The following RDX variants were observed in gnomAD, a reference collection of about 807,000 sequenced individuals.
The protein encoded by RDX is deafness, autosomal recessive 24.
In RDX, 32 loss-of-function variants were observed where a neutral mutation model predicts 83.7. The ratio of observed to expected loss-of-function variants is 0.38; its 90% CI spans 0.29 to 0.51. The LOEUF is 0.51. Ranked by LOEUF, RDX falls within the 20% of genes least tolerant of loss-of-function variation. The pLI, the probability that RDX is intolerant of heterozygous loss-of-function variation, is 0.87. For synonymous variants in RDX, 229 were observed against 222.7 expected (o/e 1.03, Z -0.25); for missense variants, 600 against 689.9 (o/e 0.87, Z 1.46).
At chr11:110,233,033 G>C (rs1201979758) in intron 13 of RDX, among the ~76,000 whole-genome samples, 1 of 152,216 alleles carries the variant, frequency 6.6e-6, no homozygotes, top group Non-Finnish European at 1.5e-5. Flanking sequence ...GTTAAGGTCT[G>C]ATTATACAAA....
intron 15 of RDX, among the ~76,000 whole-genome samples, chr11:110,193,105 C>T (rs1001810801): frequency 6.6e-6 from 1 of 152,108 alleles, no homozygotes; most frequent in African/African-American, 2.4e-5. Flanking sequence ...AGCAAAGATA[C>T]GGAATCAACC....
intron 15 of RDX, chr11:110,199,537 G>A: frequency 1.4e-6 from 1 of 701,610 alleles, no homozygotes; most frequent in South Asian, 1.5e-5. Context: ...CAGGTCTAGT[G>A]GGCAGGTGAG....
At chr11:110,293,018 C>A (rs1327611020) in intron 1 of RDX, among the ~76,000 whole-genome samples, 2 of 152,192 alleles carry the variant, frequency 1.3e-5, no homozygotes, top group Non-Finnish European at 2.9e-5. Context: ...CAAATTTGCA[C>A]ATACACACAC....
chr11:110,203,813 T>C (rs976493438), intron 14 of RDX, among the ~76,000 whole-genome samples: 1 of 152,156 alleles, frequency 6.6e-6, no homozygotes. Flanking sequence ...CCTCTTTTTA[T>C]TTAAAAAGAA....
chr11:110,272,284 T>C (rs537785568), intron 3 of RDX, among the ~76,000 whole-genome samples: 1 of 152,314 alleles, frequency 6.6e-6, no homozygotes, highest in African/African-American at 2.4e-5. Flanking sequence ...ACCATTACAA[T>C]GATTCTCATA....
rs146859384 is a variant in RDX, at chr11:110,283,138, G to A, written c.-64-3382C>T. Among the ~76,000 whole-genome samples the A allele has an allele frequency of 1.4e-4, 22 of 152,160 alleles. No individual in the cohort carries two copies. The East Asian group carries it at 3.9e-3, about 27-fold the overall frequency. ...TGTAAACTTGTAAAATGAAAATGTAGAGGTTTTGTCATAAACTAATTTCTT... is the reference window on the plus strand; with the variant it reads ...TGTAAACTTGTAAAATGAAAATGTAAAGGTTTTGTCATAAACTAATTTCTT... On this transcript the variant is annotated intron_variant, in intron 1 of 13. Coordinates refer to ENST00000645495, the MANE Select transcript of RDX (RefSeq NM_002906.4).
chr11:110,186,124 G>C (rs1249268694), intron 15 of RDX, among the ~76,000 whole-genome samples: 1 of 152,230 alleles, frequency 6.6e-6, no homozygotes, highest in Non-Finnish European at 1.5e-5. Flanking sequence ...ACATCTGATA[G>C]TTACAGAAGC....
At chr11:110,293,543 C>T (rs1236023515) in intron 1 of RDX, among the ~76,000 whole-genome samples, 1 of 152,190 alleles carries the variant, frequency 6.6e-6, no homozygotes, top group Non-Finnish European at 1.5e-5. Context: ...CACACCCTGG[C>T]TGCAGCAATC....
chr11:110,254,212 T>C, intron 8 of RDX, 103 bp from the exon 9 acceptor site: 1 of 892,488 alleles, frequency 1.1e-6, no homozygotes, highest in Non-Finnish European at 1.8e-6. Flanking sequence ...TAATGTCATA[T>C]TACATATAGT....
chr11:110,178,673 G>A (rs1365332793), intron 15 of RDX, among the ~76,000 whole-genome samples: 1 of 152,160 alleles, frequency 6.6e-6, no homozygotes, highest in Non-Finnish European at 1.5e-5. Context: ...ACAGAAGCAA[G>A]GAGGCATGAC....
chr11:110,193,256 T>G (rs1863136727), intron 15 of RDX, among the ~76,000 whole-genome samples: 1 of 152,040 alleles, frequency 6.6e-6, no homozygotes, highest in South Asian at 2.1e-4. Flanking sequence ...CTAAGCAAAT[T>G]AACATAGGAA....
intron 5 of RDX, among the ~76,000 whole-genome samples, chr11:110,261,127 G>T (rs1859787388): frequency 6.6e-6 from 1 of 152,136 alleles, no homozygotes; most frequent in Admixed American, 6.6e-5. Context: ...GTCCAAGACT[G>T]TTTCTAAAAG....
chr11:110,183,217 T>C (rs557992458), intron 15 of RDX, among the ~76,000 whole-genome samples: 30 of 152,310 alleles, frequency 2.0e-4, no homozygotes, highest in African/African-American at 7.2e-4. Flanking sequence ...TGCCAGCTCC[T>C]CTCAGAGGTG....
rs1863987276 is a variant in RDX at position 110,215,046 on chromosome 11, A to AT, written c.1749-15369_1749-15368insA. 1.9e-4 allele frequency among the ~76,000 whole-genome samples: 18 copies of AT among 93,990 alleles called. No homozygotes were observed. The South Asian group carries it at 3.0e-3, about 16-fold the overall frequency. The allele number at this position is 93,990 out of a possible 152,430, so 61.7% of individuals were successfully genotyped here. ...ATTTAGGAGACCTAACAAAAAAAAA[A>AT]AAAATATATATATATATATATATAA... is the stretch of plus-strand genomic sequence containing the variant. On this transcript the variant is annotated intron_variant, in intron 14 of 15. Coordinates refer to the RDX transcript ENST00000528498.
At chr11:110,278,709 CTTTT>C (rs1406861914) in intron 2 of RDX, among the ~76,000 whole-genome samples, 1 of 151,748 alleles carries the variant, frequency 6.6e-6, no homozygotes, top group Non-Finnish European at 1.5e-5. Flanking sequence ...ATCTTTATGC[CTTTT>C]TTTAATTCTT....
chr11:110,206,447 A>AG (rs1201347721), intron 14 of RDX, among the ~76,000 whole-genome samples: 2 of 152,102 alleles, frequency 1.3e-5, no homozygotes, highest in African/African-American at 2.4e-5. Flanking sequence ...CAAAAAAAAA[A>AG]CTAGTTGTAT....
intron 1 of RDX, among the ~76,000 whole-genome samples, chr11:110,281,968 C>CAAAAA (rs1311555344): frequency 8.1e-6 from 1 of 123,876 alleles, no homozygotes. Flanking sequence ...ACCAAACAAA[C>CAAAAA]AAAAAAAAAA....
intron 1 of RDX, among the ~76,000 whole-genome samples, chr11:110,280,931 G>A (rs922702156): frequency 3.9e-5 from 6 of 152,164 alleles, no homozygotes; most frequent in African/African-American, 9.6e-5. Flanking sequence ...TTGGGAGGCC[G>A]GGGCGGGAGG....
intron 1 of RDX, among the ~76,000 whole-genome samples, chr11:110,294,298 G>A (rs1861357596): frequency 1.3e-5 from 2 of 152,234 alleles, no homozygotes; most frequent in South Asian, 4.1e-4. Flanking sequence ...GGGTGGCTGA[G>A]GTACAAGAAT....
Sources: allele counts gnomAD v4.1 joint callset (sites outside exome capture counted in the v4.1 genomes callset), GRCh38; gene constraint gnomAD v4.1.1; transcripts MANE v1.5; gene names NCBI Gene and HGNC (gene_info 2026-07-23, HGNC 2026-07-21).